Variants in DTNBP1 observed in about 807,000 individuals in gnomAD.
DTNBP1 encodes the protein dysbindin.
Under a neutral mutation model 42.8 loss-of-function variants are expected in DTNBP1, and 35 were observed. The ratio of observed to expected loss-of-function variants is 0.82; its 90% CI spans 0.63 to 1.09. The LOEUF (loss-of-function observed/expected upper bound fraction) is 1.09. Among genes scored for constraint, DTNBP1 ranks in the 50% least tolerant of loss-of-function variants. The pLI, the probability that DTNBP1 is intolerant of heterozygous loss-of-function variation, is 0.00. For missense variants in DTNBP1, 457 were observed against 424.2 expected (o/e 1.08, Z -0.68); for synonymous variants, 171 against 162.2 (o/e 1.05, Z -0.41).
chr6:15,552,988 G>A (rs186302139), intron 7 of DTNBP1, among the ~76,000 whole-genome samples: 1 of 152,172 alleles, frequency 6.6e-6, no homozygotes, highest in Non-Finnish European at 1.5e-5. Flanking sequence ...TAAGGAAAAA[G>A]TTTCATCTAA....
intron 1 of DTNBP1, among the ~76,000 whole-genome samples, chr6:15,658,234 TGGCA>T (rs1333249569): frequency 4.6e-5 from 7 of 152,238 alleles, no homozygotes; most frequent in African/African-American, 1.7e-4. Flanking sequence ...TGTCTGGCAC[TGGCA>T]CTTAATAGGA....
chr6:15,617,307 C>T (rs758855896), intron 5 of DTNBP1, among the ~76,000 whole-genome samples: 5 of 151,896 alleles, frequency 3.3e-5, no homozygotes, highest in Admixed American at 6.6e-5. Flanking sequence ...AAGTGATCTA[C>T]AGATTAAATG....
intron 3 of DTNBP1, among the ~76,000 whole-genome samples, chr6:15,650,445 T>C (rs1023854096): frequency 6.6e-6 from 1 of 152,066 alleles, no homozygotes; most frequent in Non-Finnish European, 1.5e-5. Context: ...CAGGCCCAGC[T>C]AATTTTTGTA....
chr6:15,622,432 A>G (rs967314831), intron 5 of DTNBP1, among the ~76,000 whole-genome samples: 1 of 152,226 alleles, frequency 6.6e-6, no homozygotes, highest in Non-Finnish European at 1.5e-5. Flanking sequence ...AATAATGACA[A>G]GTACATACGT....
intron 7 of DTNBP1, among the ~76,000 whole-genome samples, chr6:15,551,118 A>G (rs1027242487): frequency 6.6e-6 from 1 of 152,128 alleles, no homozygotes; most frequent in Non-Finnish European, 1.5e-5. Context: ...TAACTGCTCT[A>G]TAGATGAAGG....
rs142970562 is a variant in DTNBP1 at position 15,539,881 on chromosome 6, C to T, written c.512-6486G>A. On this transcript the variant is annotated intron_variant, in intron 7 of 9. Coordinates refer to ENST00000344537, the MANE Select transcript of DTNBP1 (RefSeq NM_032122.5). ...GACTCTTTTTCCACATAACTGATTT[C>T]ACCAGAGTTGCAACTTCTCCTCCAT... Among the ~76,000 whole-genome samples, 99 of 152,302 alleles carry T rather than the reference C, an allele frequency of 6.5e-4. 1 individual carries two copies. The East Asian group carries it at 0.016, about 24-fold the overall frequency.
At chr6:15,560,148 T>C (rs796229352) in intron 7 of DTNBP1, among the ~76,000 whole-genome samples, 10 of 151,988 alleles carry the variant, frequency 6.6e-5, no homozygotes, top group African/African-American at 1.9e-4. Flanking sequence ...CTACTAAAAA[T>C]ACAAAAAATT....
At chr6:15,589,120 T>G (rs1776194705) in intron 7 of DTNBP1, among the ~76,000 whole-genome samples, 1 of 152,174 alleles carries the variant, frequency 6.6e-6, no homozygotes, top group African/African-American at 2.4e-5. Context: ...TACTGAAGTT[T>G]ACCACCTAGC....
chr6:15,627,620 T>C (rs894283825), intron 4 of DTNBP1, 145 bp from the exon 5 acceptor site: 7 of 1,277,980 alleles, frequency 5.5e-6, no homozygotes, highest in African/African-American at 1.5e-5. Flanking sequence ...ACTGAAGTTG[T>C]TTTCATTTTT....
chr6:15,654,683 G>C (rs942240851), intron 1 of DTNBP1, among the ~76,000 whole-genome samples: 9 of 151,976 alleles, frequency 5.9e-5, no homozygotes, highest in Admixed American at 3.9e-4. Context: ...GAGTGTTACA[G>C]GGAACAGAAA....
intron 6 of DTNBP1, among the ~76,000 whole-genome samples, chr6:15,611,583 G>A (rs1758407887): frequency 6.6e-6 from 1 of 152,142 alleles, no homozygotes; most frequent in African/African-American, 2.4e-5. Flanking sequence ...GAAAACCTCT[G>A]GAAAGGGTTA....
At chr6:15,554,672 G>A (rs1409545780) in intron 7 of DTNBP1, among the ~76,000 whole-genome samples, 1 of 152,158 alleles carries the variant, frequency 6.6e-6, no homozygotes, top group Non-Finnish European at 1.5e-5. Flanking sequence ...ATAAACTGTA[G>A]GAGGAGTCAT....
intron 7 of DTNBP1, among the ~76,000 whole-genome samples, chr6:15,567,122 C>A (rs1334206880): frequency 6.6e-6 from 1 of 152,080 alleles, no homozygotes; most frequent in African/African-American, 2.4e-5. Flanking sequence ...TCATCTTTAG[C>A]GTAGCCACCT....
intron 7 of DTNBP1, chr6:15,585,918 C>T (rs557850404): frequency 7.7e-5 from 107 of 1,393,332 alleles, no homozygotes; most frequent in Non-Finnish European, 9.4e-5. Flanking sequence ...TTGTAGTAAG[C>T]CTATTAGTTT....
chr6:15,534,387 C>A (rs1773082165), intron 7 of DTNBP1, among the ~76,000 whole-genome samples: 1 of 152,170 alleles, frequency 6.6e-6, no homozygotes, highest in South Asian at 2.1e-4. Context: ...CGCGGTGGCT[C>A]ACGCCTATAA....
intron 7 of DTNBP1, among the ~76,000 whole-genome samples, chr6:15,589,931 T>C (rs1056564142): frequency 6.6e-6 from 1 of 152,270 alleles, no homozygotes. Context: ...TAACTACTCA[T>C]ACACTTCTTT....
chr6:15,567,513 C>G (rs1330400266), intron 7 of DTNBP1, among the ~76,000 whole-genome samples: 4 of 152,038 alleles, frequency 2.6e-5, no homozygotes, highest in Non-Finnish European at 4.4e-5. Context: ...TCTCCACAAC[C>G]CTTTATCTTA....
At chr6:15,609,334 T>C (rs1404592876) in intron 6 of DTNBP1, among the ~76,000 whole-genome samples, 1 of 152,088 alleles carries the variant, frequency 6.6e-6, no homozygotes, top group African/African-American at 2.4e-5. Context: ...CTTTTTTTTT[T>C]TTCCTGAGAC....
intron 3 of DTNBP1, among the ~76,000 whole-genome samples, chr6:15,641,910 T>TA (rs1196407605): frequency 6.6e-6 from 1 of 152,140 alleles, no homozygotes; most frequent in Non-Finnish European, 1.5e-5. Context: ...TGCCAACTGC[T>TA]ACAAGAGGAA....
Sources: allele counts gnomAD v4.1 joint callset (sites outside exome capture counted in the v4.1 genomes callset), GRCh38; gene constraint gnomAD v4.1.1; transcripts MANE v1.5; gene names NCBI Gene and HGNC (gene_info 2026-07-23, HGNC 2026-07-21).